The following NT5DC1 variants were observed in gnomAD, a reference collection of about 807,000 sequenced individuals.
NT5DC1 encodes the protein 5'-nucleotidase domain-containing protein 1.
Under a neutral mutation model 59.4 loss-of-function variants are expected in NT5DC1, and 42 were observed. That is an observed-to-expected ratio of 0.71 (90% confidence interval 0.55 to 0.92). The LOEUF is 0.92. NT5DC1 is among the 40% of genes least tolerant of loss of function. NT5DC1 has a pLI of 0.00. For synonymous variants in NT5DC1, 172 were observed against 188.1 expected, an observed-to-expected ratio of 0.91 and a Z score of 0.70; for missense variants, 501 against 537.1, an observed-to-expected ratio of 0.93 and a Z score of 0.66.
Position 116,239,045 on chromosome 6 carries a change from TC to T in NT5DC1, c.1176del (p.Leu393TrpfsTer60), listed in dbSNP as rs779073733. On this transcript the variant is annotated frameshift_variant, in exon 11 of 12. Coordinates refer to ENST00000319550, the MANE Select transcript of NT5DC1 (RefSeq NM_152729.3). LOFTEE classifies it high-confidence loss of function. ...SVLGLENTED[S>X]LVYTWSCKRI... ...TTTGGGACTGGAAAATACAGAAGAC[TC>T]CTTGGTTTATACATGGTCTTGTAAG... The T allele has an allele frequency of 4.3e-6, 7 of 1,609,266 alleles. No individual in the cohort carries two copies. The highest frequency in any genetic ancestry group is 2.7e-5 in the African/African-American group (2 of 74,820).
chr6:116,193,112 T>C (rs572065603), intron 6 of NT5DC1, among the ~76,000 whole-genome samples: 2 of 152,244 alleles, frequency 1.3e-5, no homozygotes, highest in East Asian at 1.9e-4. Flanking sequence ...AATATGCTTA[T>C]GAACTTTTGG....
chr6:116,105,383 G>A (rs1244835455), intron 1 of NT5DC1, among the ~76,000 whole-genome samples: 1 of 152,144 alleles, frequency 6.6e-6, no homozygotes, highest in Non-Finnish European at 1.5e-5. Context: ...AACCTGTTGT[G>A]GGTTAATATC....
At chr6:116,191,777 TA>T (rs1211641582) in intron 6 of NT5DC1, among the ~76,000 whole-genome samples, 1 of 152,044 alleles carries the variant, frequency 6.6e-6, no homozygotes, top group East Asian at 1.9e-4. Flanking sequence ...CTTCAATCCT[TA>T]AAGTGTGTAT....
At chr6:116,195,758 A>G (rs1039447758) in intron 6 of NT5DC1, among the ~76,000 whole-genome samples, 1 of 152,066 alleles carries the variant, frequency 6.6e-6, no homozygotes, top group African/African-American at 2.4e-5. Context: ...TAGATCAACA[A>G]TAGCAACTAG....
intron 6 of NT5DC1, among the ~76,000 whole-genome samples, chr6:116,144,257 C>T (rs538834366): frequency 2.8e-4 from 42 of 152,226 alleles, no homozygotes; most frequent in Middle Eastern, 3.4e-3. Context: ...TATCCCAGCA[C>T]TTTGGGAGGC....
In NT5DC1 at chr6:116,231,106, CAA is replaced by C. The variant is rs34948626; in HGVS notation, c.803-5841_803-5840del. On this transcript the variant is annotated intron_variant, in intron 8 of 11. Transcript: ENST00000319550. ...GGGCAATAAGAGCGAAACTCCGTCTCAAAAAAAAAAAAAAAAAAAAGAACTAT... is the reference window on the plus strand; with the variant it reads ...GGGCAATAAGAGCGAAACTCCGTCTCAAAAAAAAAAAAAAAAAAGAACTAT... 4.3e-3 allele frequency among the ~76,000 whole-genome samples: 299 copies of C among 69,982 alleles called. 6 individuals carry two copies. In the South Asian group the frequency reaches 0.064, roughly 15 times the overall value. The allele number at this position is 69,982 out of a possible 152,430, so 45.9% of individuals were successfully genotyped here.
chr6:116,236,381 G>C (rs1397750802), intron 8 of NT5DC1, among the ~76,000 whole-genome samples: 2 of 152,162 alleles, frequency 1.3e-5, no homozygotes, highest in African/African-American at 2.4e-5. Flanking sequence ...CACTAGCCCT[G>C]CTTTAACAGG....
chr6:116,221,160 G>T lies in NT5DC1; in HGVS notation c.636G>T (p.Gly212=), dbSNP rs548585172. The stretch of plus-strand genomic sequence containing the variant: ...GGCTTCGACAGCTAAAGAATGCTGG[G>T]AAAATTCTTCTGTTAATTACCAGTT... ...KKWLRQLKNA[G]KILLLITSSH... is the part of the protein sequence containing the mutation. Residue 212 remains glycine (G), a synonymous_variant, in exon 7 of 12, where the codon GGG becomes GGT. Coordinates refer to ENST00000319550, the MANE Select transcript of NT5DC1 (RefSeq NM_152729.3). 1.3e-6 allele frequency: 2 copies of T among 1,594,476 alleles called. No homozygotes were observed. Among genetic ancestry groups the T allele is most frequent in the South Asian group, 2.2e-5 (2 of 90,672 alleles).
intron 6 of NT5DC1, chr6:116,119,332 T>A (rs575142257): frequency 6.6e-6 from 1 of 152,526 alleles, no homozygotes; most frequent in Non-Finnish European, 1.5e-5. Context: ...TAAATAAGAA[T>A]AGGTCAGATA....
At chr6:116,208,069 G>A (rs1781494045) in intron 6 of NT5DC1, among the ~76,000 whole-genome samples, 1 of 151,952 alleles carries the variant, frequency 6.6e-6, no homozygotes, top group African/African-American at 2.4e-5. Context: ...TCAGTCCTCA[G>A]TGTGGGGCAG....
At chr6:116,220,797 C>A (rs1042626318) in intron 6 of NT5DC1, among the ~76,000 whole-genome samples, 5 of 152,050 alleles carry the variant, frequency 3.3e-5, no homozygotes, top group Non-Finnish European at 7.4e-5. Flanking sequence ...CTTGTGTTAC[C>A]TGTTTTAACA....
chr6:116,221,222 T>G lies in NT5DC1; in HGVS notation c.698T>G (p.Ile233Ser), dbSNP rs747585393. Residue 233 changes from isoleucine (I) to serine (S), a missense_variant, in exon 7 of 12, where the codon ATT (isoleucine) becomes AGT (serine). Coordinates refer to ENST00000319550, the MANE Select transcript of NT5DC1 (RefSeq NM_152729.3). ...TACTGTAGACTTCTCTGCGAATATA[T>G]TCTTGGGTGAGTGATGAGTCATTCA... Reference protein sequence around the residue: ...SDYCRLLCEYILGNDFTDLFD... With the variant: ...SDYCRLLCEYSLGNDFTDLFD... 1 of 1,576,276 alleles carries G rather than the reference T, an allele frequency of 6.3e-7. No individual in the cohort carries two copies. Among genetic ancestry groups the G allele is most frequent in the Non-Finnish European group, 8.7e-7 (1 of 1,148,158 alleles).
At chr6:116,198,199 C>A (rs1781275740) in intron 6 of NT5DC1, among the ~76,000 whole-genome samples, 1 of 152,072 alleles carries the variant, frequency 6.6e-6, no homozygotes, top group African/African-American at 2.4e-5. Context: ...TAGTGAACAA[C>A]AGTTTCTGGG....
chr6:116,155,516 G>A (rs79254358), intron 6 of NT5DC1, among the ~76,000 whole-genome samples: 4,431 of 152,094 alleles, frequency 0.029, 233 homozygotes, highest in African/African-American at 0.1. Flanking sequence ...AGTTTAAGAA[G>A]TTTGACTAAA....
At chr6:116,112,102 C>G (rs476330) in intron 4 of NT5DC1, among the ~76,000 whole-genome samples, 22 of 152,118 alleles carry the variant, frequency 1.4e-4, no homozygotes, top group African/African-American at 5.3e-4. Context: ...CCCACTGTTT[C>G]GCCCACTAGA....
intron 6 of NT5DC1, among the ~76,000 whole-genome samples, chr6:116,207,812 G>A (rs1226947096): frequency 1.3e-5 from 2 of 151,906 alleles, no homozygotes; most frequent in Non-Finnish European, 2.9e-5. Flanking sequence ...AGGCTATAAA[G>A]AGCCGCCCCA....
chr6:116,125,556 T>G, intron 6 of NT5DC1: 1 of 1,549,172 alleles, frequency 6.5e-7, no homozygotes, highest in Non-Finnish European at 8.9e-7. Context: ...ATTAACCTAT[T>G]TTTTTATTCT....
chr6:116,141,333 A>G (rs752678413), intron 6 of NT5DC1, among the ~76,000 whole-genome samples: 14 of 149,644 alleles, frequency 9.4e-5, no homozygotes, highest in Non-Finnish European at 1.9e-4. Context: ...TTCGTTAGTT[A>G]TATGTGTTGC....
At chr6:116,154,325 G>A (rs137872849) in intron 6 of NT5DC1, among the ~76,000 whole-genome samples, 4 of 152,202 alleles carry the variant, frequency 2.6e-5, no homozygotes, top group East Asian at 3.9e-4. Flanking sequence ...CACTGAGGCC[G>A]GGATTTCTTT....
Sources: gnomAD v4.1 joint callset for allele counts (sites outside exome capture counted in the v4.1 genomes callset) on GRCh38, gnomAD v4.1.1 for gene constraint, MANE v1.5 for transcripts, NCBI Gene and HGNC (gene_info 2026-07-23, HGNC 2026-07-21) for gene names.